The following RAB11FIP1 variants were observed in gnomAD, a reference collection of about 807,000 sequenced individuals.
The protein encoded by RAB11FIP1 is rab11 family-interacting protein 1.
In RAB11FIP1, 49 loss-of-function variants were observed where a neutral mutation model predicts 83.1. The ratio of observed to expected loss-of-function variants is 0.59; its 90% CI spans 0.47 to 0.75. The LOEUF (loss-of-function observed/expected upper bound fraction) is 0.75, where lower values mean the gene tolerates loss of function less well. Ranked by LOEUF, RAB11FIP1 falls within the 30% of genes least tolerant of loss-of-function variation. The pLI, the probability that RAB11FIP1 is intolerant of heterozygous loss-of-function variation, is 0.00. For missense variants in RAB11FIP1, 1,536 were observed against 1,598.7 expected, an observed-to-expected ratio of 0.96 and a Z score of 0.67; for synonymous variants, 670 against 656.0, an observed-to-expected ratio of 1.02 and a Z score of -0.33.
Position 37,873,025 on chromosome 8 carries a change from A to T in RAB11FIP1, c.1777T>A (p.Ser593Thr), listed in dbSNP as rs748463244. The change falls in exon 4 of 6, where the codon TCT (serine) becomes ACT (threonine). Residue 593 changes from serine (S) to threonine (T), a missense_variant. By Grantham distance (58) the Ser-to-Thr change is moderately conservative. Coordinates refer to ENST00000330843, the MANE Select transcript of RAB11FIP1 (RefSeq NM_001002814.3). ...GADTQSSESP[S>T]VFSSLSSPIA... is the part of the protein sequence containing the mutation. ...GGAGATGAGAGAGAGGAGAAGACAG[A>T]AGGACTCTCAGAGGACTGTGTGTCT... 5 of 1,614,008 alleles carry T rather than the reference A, an allele frequency of 3.1e-6. No individual in the cohort carries two copies. In the Admixed American group the frequency reaches 6.7e-5, roughly 22 times the overall value.
intron 1 of RAB11FIP1, among the ~76,000 whole-genome samples, chr8:37,898,079 A>T (rs2130208560): frequency 6.6e-6 from 1 of 152,222 alleles, no homozygotes; most frequent in Middle Eastern, 3.4e-3. Context: ...GAGGCCTTCC[A>T]CCCAAGCGAA....
chr8:37,877,846 A>C (rs555582747), intron 1 of RAB11FIP1: 33 of 256,850 alleles, frequency 1.3e-4, no homozygotes, highest in African/African-American at 7.2e-4. Flanking sequence ...CAGCCTCCTG[A>C]GTAGCTGAGA....
intron 1 of RAB11FIP1, among the ~76,000 whole-genome samples, chr8:37,888,251 C>T (rs1235210516): frequency 4.6e-5 from 7 of 151,966 alleles, no homozygotes; most frequent in African/African-American, 1.5e-4. Context: ...GGATTACAGG[C>T]GCCCACCACT....
rs531521541 is a variant in RAB11FIP1 at position 37,859,705 on chromosome 8, G to A, written c.*3190C>T. ...GAATTTGATGCTTCCCTCAAGTCCT[G>A]ACTGCTCTTTCTGAGGCAGCCAGGC... On this transcript the variant is annotated 3_prime_UTR_variant, in exon 6 of 6. Transcript: ENST00000330843. 4.6e-5 allele frequency: 7 copies of A among 152,348 alleles called. No individual in the cohort carries two copies. The South Asian group carries it at 1.5e-3, about 32-fold the overall frequency. The allele number at this position is 152,348 out of a possible 1,614,324, so 9.4% of individuals were successfully genotyped here. A position where few individuals can be genotyped will look rare whatever the true frequency, so the allele number is the denominator to read the frequency against.
At chr8:37,893,082 T>C (rs1341679427) in intron 1 of RAB11FIP1, among the ~76,000 whole-genome samples, 2 of 151,156 alleles carry the variant, frequency 1.3e-5, no homozygotes, top group Non-Finnish European at 3.0e-5. Flanking sequence ...TTTTCTTTTT[T>C]TTTTTTTTTT....
In RAB11FIP1 at chr8:37,899,058, C is replaced by G; in HGVS notation, c.371+13G>C. On this transcript the variant is annotated intron_variant, in intron 1 of 5. Transcript: ENST00000330843. This position sits in a 1 kb window ranked among gnomAD's most constrained non-coding sequence, Gnocchi z 4.5. ...CCCCCAGGCCGGGCCCTCCCCTCCC[C>G]GCCCGCACTCACTGCGTCTTCCTGC... 1 of 1,475,734 alleles carries G rather than the reference C, an allele frequency of 6.8e-7. No individual in the cohort carries two copies. The highest frequency in any genetic ancestry group is 8.9e-7 in the Non-Finnish European group (1 of 1,121,998). 91.4% of individuals were successfully genotyped at this position (1,475,734 alleles called of 1,614,324 possible). A position where few individuals can be genotyped will look rare whatever the true frequency, so the allele number is the denominator to read the frequency against.
At chr8:37,882,108 A>C (rs937574560) in intron 1 of RAB11FIP1, among the ~76,000 whole-genome samples, 3 of 152,118 alleles carry the variant, frequency 2.0e-5, no homozygotes, top group African/African-American at 7.2e-5. Flanking sequence ...CCAGGGCAGG[A>C]GCTTCAGGCA....
chr8:37,877,030 T>C (rs1806627763), intron 2 of RAB11FIP1, 79 bp downstream of exon 2: 2 of 1,032,642 alleles, frequency 1.9e-6, no homozygotes, highest in Non-Finnish European at 2.9e-6. Flanking sequence ...TCTCTTGAGA[T>C]TTGTCTGTTT....
chr8:37,888,407 A>G (rs2130184976), intron 1 of RAB11FIP1, among the ~76,000 whole-genome samples: 1 of 152,256 alleles, frequency 6.6e-6, no homozygotes, highest in African/African-American at 2.4e-5. Context: ...ACACCTAGCT[A>G]CATTTCCAAA....
intron 1 of RAB11FIP1, among the ~76,000 whole-genome samples, chr8:37,880,713 A>G (rs966865343): frequency 2.0e-5 from 3 of 150,710 alleles, no homozygotes; most frequent in Non-Finnish European, 4.4e-5. Flanking sequence ...AGTAAGAGCT[A>G]TGATTGCACC....
At chr8:37,865,471 C>A (rs1369989754) in intron 5 of RAB11FIP1, among the ~76,000 whole-genome samples, 2 of 152,080 alleles carry the variant, frequency 1.3e-5, no homozygotes, top group Non-Finnish European at 2.9e-5. Flanking sequence ...AGGCACCTGC[C>A]ACCACATCCA....
rs1435895053 is a variant in RAB11FIP1, at chr8:37,872,878, T to C, written c.1924A>G (p.Thr642Ala). Residue 642 changes from threonine to alanine, a missense_variant, in exon 4 of 6, where the codon ACA becomes GCA. Physicochemically the swap from Thr to Ala is moderately conservative, Grantham distance 58. Coordinates refer to ENST00000330843, the MANE Select transcript of RAB11FIP1 (RefSeq NM_001002814.3). ...PKAELQTESL[T>A]PVPNSGSSAL... ...GAAGAACCAGAATTTGGAACCGGTGTTAAACTCTCAGTTTGCAACTCTGCC... is the reference window on the plus strand; with the variant it reads ...GAAGAACCAGAATTTGGAACCGGTGCTAAACTCTCAGTTTGCAACTCTGCC... 15 of 1,614,206 alleles carry C rather than the reference T, an allele frequency of 9.3e-6. No individual in the cohort carries two copies. Among genetic ancestry groups the C allele is most frequent in the Non-Finnish European group, 1.1e-5 (13 of 1,180,024 alleles).
At chr8:37,883,158 G>A (rs763754650) in intron 1 of RAB11FIP1, among the ~76,000 whole-genome samples, 41 of 141,866 alleles carry the variant, frequency 2.9e-4, no homozygotes, top group Non-Finnish European at 5.0e-4. Context: ...GAATTGTTTC[G>A]TTTTTTTTTT....
intron 1 of RAB11FIP1, 63 bp from the exon 2 acceptor site, chr8:37,877,614 C>T: frequency 1.9e-6 from 2 of 1,073,134 alleles, no homozygotes; most frequent in Non-Finnish European, 2.8e-6. Context: ...TGTTCACAAT[C>T]CCCATGAACT....
At position 37,870,775 on chromosome 8, in the gene RAB11FIP1, C is replaced by T. The variant is rs1396623332; in HGVS notation, c.3525-247G>A. 1.2e-5 allele frequency: 5 copies of T among 428,802 alleles called. No homozygotes were observed. In the East Asian group the frequency reaches 1.9e-4, roughly 16 times the overall value. 26.6% of individuals were successfully genotyped at this position (428,802 alleles called of 1,614,324 possible). On this transcript the variant is annotated intron_variant, in intron 4 of 5. Transcript: ENST00000330843. ...GATGTCCTGATATCTTCACGGGACC[C>T]TTGGTCTTGTTACAAACATCAGAAC... is the stretch of plus-strand genomic sequence containing the variant.
chr8:37,892,696 C>T lies in RAB11FIP1; in HGVS notation c.371+6375G>A, dbSNP rs151053881. Among the ~76,000 whole-genome samples the T allele has an allele frequency of 2.3e-4, 35 of 152,228 alleles. No individual in the cohort carries two copies. In the East Asian group the frequency reaches 6.8e-3, roughly 29 times the overall value. On this transcript the variant is annotated intron_variant, in intron 1 of 5. Transcript: ENST00000330843. ...CAGGTGATCCACCCACCTTGGCCTC[C>T]CAAAGTACTGGGATTATAGGTGTAA...
chr8:37,877,667 T>C, intron 1 of RAB11FIP1, 116 bp from the exon 2 acceptor site: 1 of 630,782 alleles, frequency 1.6e-6, no homozygotes, highest in Non-Finnish European at 2.8e-6. Flanking sequence ...AATGCATGCA[T>C]TCTCATGCTT....
At position 37,861,475 on chromosome 8, in the gene RAB11FIP1, T is replaced by C. The variant is rs953739955; in HGVS notation, c.*1420A>G. 7.3e-6 allele frequency: 3 copies of C among 411,454 alleles called. No individual in the cohort carries two copies. Among genetic ancestry groups the C allele is most frequent in the African/African-American group, 2.1e-5 (1 of 47,118 alleles). 25.5% of individuals were successfully genotyped at this position (411,454 alleles called of 1,614,324 possible). A position where few individuals can be genotyped will look rare whatever the true frequency, so the allele number is the denominator to read the frequency against. ...AGAGAAAGTGTTCAAAGGACAGACA[T>C]GCAGATGCAGTTCAATCCCTTTGGG... On this transcript the variant is annotated 3_prime_UTR_variant, in exon 6 of 6. Coordinates refer to ENST00000330843, the MANE Select transcript of RAB11FIP1 (RefSeq NM_001002814.3).
At chr8:37,882,697 C>T (rs557528718) in intron 1 of RAB11FIP1, among the ~76,000 whole-genome samples, 19 of 152,308 alleles carry the variant, frequency 1.2e-4, no homozygotes, top group Non-Finnish European at 1.8e-4. Context: ...GGAGACCAAA[C>T]ACTCTCTTTT....
Sources: gnomAD v4.1 joint callset for allele counts (sites outside exome capture counted in the v4.1 genomes callset) on GRCh38, gnomAD v4.1.1 for gene constraint, Gnocchi (gnomAD v3.1) non-coding constraint, MANE v1.5 for transcripts, NCBI Gene and HGNC (gene_info 2026-07-23, HGNC 2026-07-21) for gene names.